Variants in PRKCB observed in about 807,000 individuals in gnomAD.
PRKCB encodes protein kinase C beta.
PRKCB carries 13 observed loss-of-function variants against 81.5 expected under a neutral mutation model. The ratio of observed to expected loss-of-function variants is 0.16; its 90% CI spans 0.10 to 0.25. The LOEUF is 0.25. Among genes scored for constraint, PRKCB ranks in the 10% least tolerant of loss-of-function variants. PRKCB has a pLI of 1.00. For missense variants in PRKCB, 509 were observed against 875.7 expected, an observed-to-expected ratio of 0.58 and a Z score of 5.29; for synonymous variants, 335 against 321.4, an observed-to-expected ratio of 1.04 and a Z score of -0.45.
intron 16 of PRKCB, among the ~76,000 whole-genome samples, chr16:24,213,728 T>A (rs1968182100): frequency 6.6e-6 from 1 of 152,190 alleles, no homozygotes; most frequent in Non-Finnish European, 1.5e-5. Flanking sequence ...GAACCCCAAA[T>A]TAGCGGTTTG....
At chr16:23,983,507 C>T (rs1182597183) in intron 2 of PRKCB, among the ~76,000 whole-genome samples, 1 of 152,154 alleles carries the variant, frequency 6.6e-6, no homozygotes, top group Non-Finnish European at 1.5e-5. Context: ...GTCAGGCGAT[C>T]ATCCAGGAGC....
chr16:23,943,937 C>T (rs1404589643), intron 2 of PRKCB, among the ~76,000 whole-genome samples: 5 of 152,140 alleles, frequency 3.3e-5, no homozygotes, highest in South Asian at 2.1e-4. Flanking sequence ...GACTTTGCCT[C>T]GCGTGCTCCT....
chr16:23,970,481 C>T (rs1403677972), intron 2 of PRKCB, among the ~76,000 whole-genome samples: 1 of 152,074 alleles, frequency 6.6e-6, no homozygotes, highest in Non-Finnish European at 1.5e-5. Context: ...GGAGCCAGAC[C>T]GAATTGTGTG....
At position 24,035,526 on chromosome 16, in the gene PRKCB, A is replaced by G. The variant is rs1965603888; in HGVS notation, c.508A>G (p.Arg170Gly). The change falls in exon 5 of 17, where the codon AGG (arginine) becomes GGG (glycine). Residue 170 changes from arginine to glycine, a missense_variant. This residue lies in a region of PRKCB where 184 missense variants were observed against 362.9 expected (regional missense o/e 0.51). Transcript: ENST00000643927. ...CATCTACATCCAGGCCCACATCGAC[A>G]GGGACGTCCTCATTGTCCTCGGTAG... ...GRIYIQAHID[R>G]DVLIVLVRDA... is the part of the protein sequence containing the mutation. The G allele has an allele frequency of 6.2e-7, 1 of 1,611,214 alleles. No individual in the cohort carries two copies.
At chr16:23,926,240 CA>C (rs1046881330) in intron 2 of PRKCB, among the ~76,000 whole-genome samples, 13 of 151,750 alleles carry the variant, frequency 8.6e-5, no homozygotes, top group African/African-American at 2.7e-4. Flanking sequence ...AACTGCCCCC[CA>C]GCCTGGGTGA....
chr16:23,871,819 C>T (rs1429806135), intron 2 of PRKCB, among the ~76,000 whole-genome samples: 1 of 150,158 alleles, frequency 6.7e-6, no homozygotes, highest in Non-Finnish European at 1.5e-5. Context: ...CTCAGGCAAT[C>T]TGCCCAACTC....
At chr16:23,981,648 C>T (rs1203269665) in intron 2 of PRKCB, among the ~76,000 whole-genome samples, 4 of 138,138 alleles carry the variant, frequency 2.9e-5, no homozygotes, top group Middle Eastern at 7.6e-3. Context: ...TTCTTTTCTC[C>T]TTCCCTTCCT....
chr16:24,016,832 C>T (rs1418370583), intron 3 of PRKCB, among the ~76,000 whole-genome samples: 2 of 152,194 alleles, frequency 1.3e-5, no homozygotes, highest in African/African-American at 4.8e-5. Context: ...CAGCTCTGCA[C>T]AATTCCTTAT....
intron 3 of PRKCB, among the ~76,000 whole-genome samples, chr16:24,008,950 A>G (rs1010155567): frequency 6.6e-6 from 1 of 152,018 alleles, no homozygotes; most frequent in Non-Finnish European, 1.5e-5. Context: ...ATCATCTAGT[A>G]TTTGTTTTCC....
intron 16 of PRKCB, among the ~76,000 whole-genome samples, chr16:24,196,180 G>A (rs1967875673): frequency 6.6e-6 from 1 of 152,180 alleles, no homozygotes; most frequent in Non-Finnish European, 1.5e-5. Context: ...AAATCCCAGT[G>A]CCTAGCATAG....
chr16:24,124,208 T>G (rs1966834881), intron 9 of PRKCB, among the ~76,000 whole-genome samples: 1 of 152,124 alleles, frequency 6.6e-6, no homozygotes, highest in Non-Finnish European at 1.5e-5. Context: ...TACTGAGACC[T>G]GGATGATGAG....
Position 23,995,209 on chromosome 16 carries a change from A to G in PRKCB, c.288+6619A>G, listed in dbSNP as rs548411953. ...TGGGCCTACTTGGATTTTGGAGGCAACACATTCCTCATTTAAGTGTGTTAT... is the reference window on the plus strand; with the variant it reads ...TGGGCCTACTTGGATTTTGGAGGCAGCACATTCCTCATTTAAGTGTGTTAT... On this transcript the variant is annotated intron_variant, in intron 3 of 16. Transcript: ENST00000643927. Among the ~76,000 whole-genome samples the G allele has an allele frequency of 8.7e-4, 132 of 152,210 alleles. 1 individual carries two copies. The highest frequency in any genetic ancestry group is 2.8e-3 in the African/African-American group (116 of 41,546).
chr16:24,195,997 C>T (rs935235552), intron 16 of PRKCB, among the ~76,000 whole-genome samples: 1 of 152,210 alleles, frequency 6.6e-6, no homozygotes, highest in Non-Finnish European at 1.5e-5. Context: ...CCGTGCCTTG[C>T]CTTTTCCCCC....
chr16:24,051,700 C>T (rs997957334), intron 5 of PRKCB, among the ~76,000 whole-genome samples: 1 of 151,622 alleles, frequency 6.6e-6, no homozygotes, highest in Non-Finnish European at 1.5e-5. Context: ...ATAGTGAGAC[C>T]CCTGTCCCTA....
chr16:24,217,470 C>A lies in PRKCB; in HGVS notation c.*2654C>A. 1 of 985,440 alleles carries A rather than the reference C, an allele frequency of 1.0e-6. No individual in the cohort carries two copies. The highest frequency in any genetic ancestry group is 1.2e-6 in the Non-Finnish European group (1 of 829,930). 61.0% of individuals were successfully genotyped at this position (985,440 alleles called of 1,614,324 possible). On this transcript the variant is annotated 3_prime_UTR_variant, in exon 17 of 17. Coordinates refer to ENST00000643927, the MANE Select transcript of PRKCB (RefSeq NM_002738.7). ...AATAACCCTCCTTGGATGAGTGCTA[C>A]TGTTTTCACATGGCTTCAGATGCTA...
intron 2 of PRKCB, among the ~76,000 whole-genome samples, chr16:23,955,615 G>C (rs1964339705): frequency 6.6e-6 from 1 of 152,166 alleles, no homozygotes; most frequent in Non-Finnish European, 1.5e-5. Flanking sequence ...AAAGTGCATG[G>C]AGAGAGAAGG....
At chr16:24,197,167 G>A (rs2283549) in intron 16 of PRKCB, among the ~76,000 whole-genome samples, 26,698 of 152,102 alleles carry the variant, frequency 0.18, 2,760 homozygotes, top group East Asian at 0.26. Context: ...TATATTCTAG[G>A]GAGAGTGGGC....
chr16:23,882,176 C>G (rs974489181), intron 2 of PRKCB, among the ~76,000 whole-genome samples: 1 of 150,884 alleles, frequency 6.6e-6, no homozygotes, highest in African/African-American at 2.4e-5. Flanking sequence ...ACCTCCTGTG[C>G]TCAAGGGATC....
At chr16:24,092,051 C>A (rs35108734) in intron 5 of PRKCB, among the ~76,000 whole-genome samples, 3 of 152,122 alleles carry the variant, frequency 2.0e-5, no homozygotes, top group African/African-American at 7.3e-5. Flanking sequence ...TGTTTTTAAA[C>A]GTACAATTCA....
Sources: gnomAD v4.1 joint callset for allele counts (sites outside exome capture counted in the v4.1 genomes callset) on GRCh38, gnomAD v4.1.1 for gene constraint, gnomAD v4.1.1 regional missense constraint, MANE v1.5 for transcripts, NCBI Gene and HGNC (gene_info 2026-07-23, HGNC 2026-07-21) for gene names.